The following CPEB4 variants were observed in gnomAD, a reference collection of about 807,000 sequenced individuals.
The protein encoded by CPEB4 is cytoplasmic polyadenylation element binding protein 4.
In CPEB4, 12 loss-of-function variants were observed where a neutral mutation model predicts 72.5. The ratio of observed to expected loss-of-function variants is 0.17; its 90% CI spans 0.11 to 0.27. The LOEUF is 0.27. Among genes scored for constraint, CPEB4 ranks in the 10% least tolerant of loss-of-function variants. CPEB4 has a pLI of 1.00. For synonymous variants in CPEB4, 302 were observed against 326.3 expected, an observed-to-expected ratio of 0.93 and a Z score of 0.80; for missense variants, 614 against 908.5, an observed-to-expected ratio of 0.68 and a Z score of 4.17.
chr5:173,896,197 CT>C (rs1202967878), intron 1 of CPEB4, among the ~76,000 whole-genome samples: 1 of 152,174 alleles, frequency 6.6e-6, no homozygotes, highest in Non-Finnish European at 1.5e-5. Context: ...TTGGTCTCAT[CT>C]CACATAAGAT....
At position 173,945,089 on chromosome 5, in the gene CPEB4, C is replaced by T; in HGVS notation, c.1405C>T (p.Arg469Ter). The T allele has an allele frequency of 6.2e-7, 1 of 1,613,556 alleles. No homozygotes were observed. The change falls in exon 5 of 10, where the codon CGA (arginine) becomes TGA (stop). Residue 469 changes from arginine (R) to a stop codon, truncating the protein, a stop_gained. Coordinates refer to ENST00000265085, the MANE Select transcript of CPEB4 (RefSeq NM_030627.4). LOFTEE classifies it high-confidence loss of function. Reference sequence around the variant, plus strand: ...TCACCAGAATGGGGAAAGAGTGGAACGATATTCTCGAAAGGTGTTTGTAGG... The same window carrying T: ...TCACCAGAATGGGGAAAGAGTGGAATGATATTCTCGAAAGGTGTTTGTAGG... ...FSHQNGERVERYSRKVFVGGL... is the reference protein window; with the variant it reads ...FSHQNGERVE
chr5:173,952,001 A>T, intron 8 of CPEB4, 63 bp downstream of exon 8: 1 of 1,103,620 alleles, frequency 9.1e-7, no homozygotes, highest in Non-Finnish European at 1.4e-6. Context: ...GATCTTCAGG[A>T]TAAATTTTTC....
chr5:173,908,225 G>T (rs1756514261), intron 1 of CPEB4, among the ~76,000 whole-genome samples: 1 of 152,190 alleles, frequency 6.6e-6, no homozygotes, highest in Admixed American at 6.5e-5. Flanking sequence ...TCTCTTTTGG[G>T]AATACTAAAC....
In CPEB4 at chr5:173,888,559, G is replaced by C; in HGVS notation, c.-1175G>C. 1 of 403,336 alleles carries C rather than the reference G, an allele frequency of 2.5e-6. No homozygotes were observed. The highest frequency in any genetic ancestry group is 4.4e-6 in the Non-Finnish European group (1 of 229,272). 25.0% of individuals were successfully genotyped at this position (403,336 alleles called of 1,614,324 possible). A position where few individuals can be genotyped will look rare whatever the true frequency, so the allele number is the denominator to read the frequency against. ...AAGCGGCGACGGCGGCGACGGCCCA[G>C]CAACCGTGAGGAGAAACAAAAGCCT... On this transcript the variant is annotated 5_prime_UTR_variant, in exon 1 of 10. Coordinates refer to ENST00000265085, the MANE Select transcript of CPEB4 (RefSeq NM_030627.4). This position sits in a 1 kb window ranked among gnomAD's most constrained non-coding sequence, Gnocchi z 4.3.
In CPEB4 at chr5:173,945,150, G is replaced by C; in HGVS notation, c.1456+10G>C. The C allele has an allele frequency of 6.2e-7, 1 of 1,610,314 alleles. No homozygotes were observed. The highest frequency in any genetic ancestry group is 8.5e-7 in the Non-Finnish European group (1 of 1,177,184). On this transcript the variant is annotated intron_variant, in intron 5 of 9. Transcript: ENST00000265085. Reference sequence around the variant, plus strand: ...CCAGACATTGATGAAGGTATGTTTAGAACTGTTTATAGCACGGTGCCCAGA... The same window carrying C: ...CCAGACATTGATGAAGGTATGTTTACAACTGTTTATAGCACGGTGCCCAGA...
chr5:173,951,326 A>G (rs1197633043), intron 7 of CPEB4, among the ~76,000 whole-genome samples: 3 of 152,130 alleles, frequency 2.0e-5, no homozygotes, highest in Admixed American at 6.5e-5. Flanking sequence ...AAAAAAATCT[A>G]TTGCAAATAT....
At chr5:173,941,739 G>A (rs1253723694) in intron 3 of CPEB4, among the ~76,000 whole-genome samples, 2 of 152,118 alleles carry the variant, frequency 1.3e-5, no homozygotes, top group South Asian at 2.1e-4. Context: ...TTAGCTGGTC[G>A]TGGTGGCACA....
At chr5:173,943,082 T>C (rs1462532247) in intron 4 of CPEB4, 33 bp downstream of exon 4, 3 of 1,607,096 alleles carry the variant, frequency 1.9e-6, no homozygotes, top group African/African-American at 2.7e-5. Flanking sequence ...AATGTATCAC[T>C]TGTATTTGGA....
intron 1 of CPEB4, among the ~76,000 whole-genome samples, chr5:173,894,830 A>G (rs765925059): frequency 5.3e-5 from 8 of 152,124 alleles, no homozygotes; most frequent in Non-Finnish European, 7.4e-5. Context: ...TGGGGCTGGA[A>G]GGGAGAGTGC....
intron 1 of CPEB4, among the ~76,000 whole-genome samples, chr5:173,894,631 A>AG (rs1266874963): frequency 3.3e-5 from 5 of 151,908 alleles, no homozygotes; most frequent in Non-Finnish European, 7.4e-5. Flanking sequence ...AAAAAAAAAA[A>AG]AAAAAAAATC....
chr5:173,924,541 C>T (rs777780926), intron 2 of CPEB4, among the ~76,000 whole-genome samples: 8 of 152,106 alleles, frequency 5.3e-5, no homozygotes, highest in Non-Finnish European at 7.4e-5. Context: ...TGGTTATCTT[C>T]GGCTTATTAC....
rs549168189 is a variant in CPEB4, at chr5:173,942,983, G to A, written c.1259-43G>A. ...TTCTTTTGACAATGTTTGAAAGGTT[G>A]TTTTGTTTTTTTGTTTTTGTTTTTT... On this transcript the variant is annotated intron_variant, in intron 3 of 9. Coordinates refer to ENST00000265085, the MANE Select transcript of CPEB4 (RefSeq NM_030627.4). 2.4e-5 allele frequency: 39 copies of A among 1,595,264 alleles called. 3 individuals carry two copies. In the South Asian group the frequency reaches 4.2e-4, roughly 17 times the overall value.
Position 173,890,091 on chromosome 5 carries a change from G to A in CPEB4, c.358G>A (p.Gly120Arg), listed in dbSNP as rs576409431. 6 of 1,613,962 alleles carry A rather than the reference G, an allele frequency of 3.7e-6. 1 individual carries two copies. The South Asian group carries it at 5.5e-5, about 15-fold the overall frequency. The change falls in exon 1 of 10, where the codon GGG becomes AGG. Residue 120 changes from glycine (G) to arginine (R), a missense_variant. Gly to Arg is a moderately radical substitution (Grantham distance 125). Transcript: ENST00000265085. Reference sequence around the variant, plus strand: ...GAAGGCAAAATCAGAAGAAAATCAAGGGGACAATTCTTCGGAAAATGGCAA... The same window carrying A: ...GAAGGCAAAATCAGAAGAAAATCAAAGGGACAATTCTTCGGAAAATGGCAA... ...TEKAKSEENQ[G>R]DNSSENGNGK... is the part of the protein sequence containing the mutation.
intron 6 of CPEB4, among the ~76,000 whole-genome samples, 172 bp downstream of exon 6, chr5:173,949,769 C>G (rs1192261295): frequency 6.6e-6 from 1 of 152,154 alleles, no homozygotes; most frequent in African/African-American, 2.4e-5. Context: ...TTTAATTTTA[C>G]TCTAAAAGAT....
At chr5:173,911,583 C>T (rs1756661408) in intron 2 of CPEB4, among the ~76,000 whole-genome samples, 1 of 151,358 alleles carries the variant, frequency 6.6e-6, no homozygotes, top group Non-Finnish European at 1.5e-5. Context: ...AATTGCAAGA[C>T]TAGATATTTC....
chr5:173,930,116 G>A (rs1022293965), intron 2 of CPEB4, among the ~76,000 whole-genome samples: 10 of 151,088 alleles, frequency 6.6e-5, no homozygotes, highest in African/African-American at 2.2e-4. Flanking sequence ...GAGCAGTGGC[G>A]AGATCTCAGC....
intron 3 of CPEB4, among the ~76,000 whole-genome samples, 178 bp downstream of exon 3, chr5:173,932,678 T>G (rs539181063): frequency 1.2e-4 from 19 of 152,348 alleles, no homozygotes; most frequent in African/African-American, 4.6e-4. Flanking sequence ...ACTTTTCTTT[T>G]TAATATGAGG....
intron 2 of CPEB4, 192 bp downstream of exon 2, chr5:173,910,796 G>GTGA: frequency 1.9e-6 from 1 of 537,830 alleles, no homozygotes. Context: ...TGGAGCCATC[G>GTGA]TGATACCAGG....
At chr5:173,952,044 G>A (rs1217240711) in intron 8 of CPEB4, 106 bp downstream of exon 8, 27 of 733,348 alleles carry the variant, frequency 3.7e-5, no homozygotes, top group Non-Finnish European at 5.2e-5. Context: ...AAGAGTGAGA[G>A]TTCTAGAATC....
Sources: gnomAD v4.1 joint callset for allele counts (sites outside exome capture counted in the v4.1 genomes callset) on GRCh38, gnomAD v4.1.1 for gene constraint, Gnocchi (gnomAD v3.1) non-coding constraint, MANE v1.5 for transcripts, NCBI Gene and HGNC (gene_info 2026-07-23, HGNC 2026-07-21) for gene names.